EIF2AK1: variants seen among roughly 807,000 people sequenced by gnomAD.
The protein encoded by EIF2AK1 is eukaryotic translation initiation factor 2 alpha kinase 1, also known as eukaryotic translation initiation factor 2-alpha kinase 1.
EIF2AK1 carries 54 observed loss-of-function variants against 77.9 expected under a neutral mutation model. That is an observed-to-expected ratio of 0.69 (90% CI 0.56 to 0.87). EIF2AK1 has a LOEUF of 0.87. Among genes scored for constraint, EIF2AK1 ranks in the 40% least tolerant of loss-of-function variants. The pLI is 0.00. For missense variants in EIF2AK1, 810 were observed against 768.6 expected, an observed-to-expected ratio of 1.05 and a Z score of -0.64; for synonymous variants, 314 against 290.5, an observed-to-expected ratio of 1.08 and a Z score of -0.82.
intron 4 of EIF2AK1, among the ~76,000 whole-genome samples, chr7:6,048,241 A>G (rs1788501075): frequency 6.6e-6 from 1 of 151,988 alleles, no homozygotes; most frequent in African/African-American, 2.4e-5. Context: ...TTCACTCCCC[A>G]TCCTTCCCTT....
rs531637809 is a variant in EIF2AK1, at chr7:6,042,457, A to C, written c.791+476T>G. ...CAGAGCGAGACTCCATCTCAAAAAAAAAAAAAAAATACCGACAGGAAATAT... is the reference window on the plus strand; with the variant it reads ...CAGAGCGAGACTCCATCTCAAAAAACAAAAAAAAATACCGACAGGAAATAT... On this transcript the variant is annotated intron_variant, in intron 8 of 14. Coordinates refer to ENST00000199389, the MANE Select transcript of EIF2AK1 (RefSeq NM_014413.4). Among the ~76,000 whole-genome samples the C allele has an allele frequency of 9.7e-3, 1,473 of 152,212 alleles. 15 individuals are homozygous for C. The highest frequency in any genetic ancestry group is 0.041 in the Middle Eastern group (12 of 294).
rs764803060 is a variant in EIF2AK1 at position 6,023,415 on chromosome 7, C to T, written c.*1258G>A. On this transcript the variant is annotated 3_prime_UTR_variant, in exon 15 of 15. Transcript: ENST00000199389. ...TTGGCCAGAAGCATAATGCTGTCAA[C>T]GCAACCCTTATAGATAGCTGGGTAG... The T allele has an allele frequency of 4.2e-5, 68 of 1,614,078 alleles. No homozygotes were observed. The highest frequency in any genetic ancestry group is 5.0e-5 in the Admixed American group (3 of 59,990).
At chr7:6,048,914 C>T in intron 3 of EIF2AK1, 70 bp from the exon 4 acceptor site, 1 of 1,077,164 alleles carries the variant, frequency 9.3e-7, no homozygotes, top group South Asian at 1.5e-5. Flanking sequence ...TATCAAAATT[C>T]AATATCACAT....
intron 11 of EIF2AK1, among the ~76,000 whole-genome samples, chr7:6,034,113 C>T (rs991696500): frequency 2.6e-5 from 4 of 151,382 alleles, no homozygotes; most frequent in East Asian, 2.0e-4. Context: ...GTCAGGAGTT[C>T]GAGACCAGCC....
intron 14 of EIF2AK1, chr7:6,026,370 C>G: frequency 2.1e-6 from 1 of 474,018 alleles, no homozygotes; most frequent in South Asian, 1.6e-5. Context: ...AGGTGCAAAC[C>G]CTGCGGGCCC....
Position 6,024,372 on chromosome 7 carries a change from G to A in EIF2AK1, c.*301C>T, listed in dbSNP as rs1273685397. On this transcript the variant is annotated 3_prime_UTR_variant, in exon 15 of 15. Transcript: ENST00000199389. Reference sequence around the variant, plus strand: ...GGGCAGGGAGCACACATCAATTTCTGCGGTACCTTCTAGAGGAAGACCAGA... The same window carrying A: ...GGGCAGGGAGCACACATCAATTTCTACGGTACCTTCTAGAGGAAGACCAGA... 5 of 1,169,960 alleles carry A rather than the reference G, an allele frequency of 4.3e-6. No individual in the cohort carries two copies. The highest frequency in any genetic ancestry group is 9.7e-5 in the Admixed American group (2 of 20,652). The allele number at this position is 1,169,960 out of a possible 1,614,324, so 72.5% of individuals were successfully genotyped here.
chr7:6,030,445 C>T (rs1354152466), intron 11 of EIF2AK1, among the ~76,000 whole-genome samples: 3 of 152,140 alleles, frequency 2.0e-5, no homozygotes, highest in African/African-American at 7.2e-5. Flanking sequence ...TTCTTTGTGC[C>T]TCTAAGTTCA....
At chr7:6,058,812 C>A (rs983700154) in intron 1 of EIF2AK1, among the ~76,000 whole-genome samples, 154 bp downstream of exon 1, 5 of 152,212 alleles carry the variant, frequency 3.3e-5, no homozygotes, top group African/African-American at 4.8e-5. Context: ...CGCCCGCCGC[C>A]CCCCCTCGCA....
Position 6,024,379 on chromosome 7 carries a change from C to G in EIF2AK1, c.*294G>C. 9.2e-7 allele frequency: 1 copy of G among 1,087,656 alleles called. No individual in the cohort carries two copies. Among genetic ancestry groups the G allele is most frequent in the Non-Finnish European group, 1.1e-6 (1 of 872,646 alleles). The allele number at this position is 1,087,656 out of a possible 1,614,324, so 67.4% of individuals were successfully genotyped here. On this transcript the variant is annotated 3_prime_UTR_variant, in exon 15 of 15. Coordinates refer to ENST00000199389, the MANE Select transcript of EIF2AK1 (RefSeq NM_014413.4). Reference sequence around the variant, plus strand: ...GAGCACACATCAATTTCTGCGGTACCTTCTAGAGGAAGACCAGACAGAGGG... The same window carrying G: ...GAGCACACATCAATTTCTGCGGTACGTTCTAGAGGAAGACCAGACAGAGGG...
chr7:6,048,686 CAA>C, intron 4 of EIF2AK1, 119 bp downstream of exon 4: 2 of 823,074 alleles, frequency 2.4e-6, no homozygotes, highest in Non-Finnish European at 3.8e-6. Context: ...TTGCTGAGAA[CAA>C]AGTTTTTAAT....
Position 6,032,447 on chromosome 7 carries a change from A to G in EIF2AK1, c.1333-3415T>C, listed in dbSNP as rs1380050726. On this transcript the variant is annotated intron_variant, in intron 11 of 14. Coordinates refer to ENST00000199389, the MANE Select transcript of EIF2AK1 (RefSeq NM_014413.4). The surrounding 1 kb of genome is among the most constrained non-coding windows in gnomAD (Gnocchi z 4.3). Reference sequence around the variant, plus strand: ...GAAGATTCAGGTTTTACTGCTGATAATACGACTTTGGCAACGACACAGCAC... The same window carrying G: ...GAAGATTCAGGTTTTACTGCTGATAGTACGACTTTGGCAACGACACAGCAC... Among the ~76,000 whole-genome samples the G allele has an allele frequency of 1.3e-5, 2 of 152,240 alleles. No individual in the cohort carries two copies.
At chr7:6,056,628 A>ATATATATATATATATGTATATATATG (rs749747260) in intron 1 of EIF2AK1, among the ~76,000 whole-genome samples, 1 of 75,938 alleles carries the variant, frequency 1.3e-5, no homozygotes, top group Non-Finnish European at 2.6e-5. Context: ...ATATATATAT[A>ATATATATATATATATGTATATATATG]TATATATAAA....
chr7:6,032,728 G>C lies in EIF2AK1; in HGVS notation c.1333-3696C>G. 1.3e-6 allele frequency: 1 copy of C among 791,140 alleles called. No individual in the cohort carries two copies. The highest frequency in any genetic ancestry group is 1.9e-5 in the South Asian group (1 of 52,776). 49.0% of individuals were successfully genotyped at this position (791,140 alleles called of 1,614,324 possible). A position where few individuals can be genotyped will look rare whatever the true frequency, so the allele number is the denominator to read the frequency against. ...TCAATGCACATACCAGAAAAAGAGT[G>C]AGCCAATGAGACACTAAATAAATGT... On this transcript the variant is annotated intron_variant, in intron 11 of 14. Transcript: ENST00000199389. This position sits in a 1 kb window ranked among gnomAD's most constrained non-coding sequence, Gnocchi z 4.3.
chr7:6,042,758 C>T (rs558670202), intron 8 of EIF2AK1, among the ~76,000 whole-genome samples, 175 bp downstream of exon 8: 4 of 151,884 alleles, frequency 2.6e-5, no homozygotes, highest in South Asian at 2.1e-4. Context: ...CCCAGCTATT[C>T]GGGAAGCTGA....
Position 6,022,440 on chromosome 7 carries a change from A to G in EIF2AK1, c.*2233T>C, listed in dbSNP as rs1460071068. On this transcript the variant is annotated 3_prime_UTR_variant, in exon 15 of 15. Coordinates refer to ENST00000199389, the MANE Select transcript of EIF2AK1 (RefSeq NM_014413.4). ...CAGCAGTCGGGGGTCAGTGTCCCTA[A>G]CCCCCCCACTGTTCAAGGGTTAGCT... The G allele has an allele frequency of 6.6e-6, 1 of 151,766 alleles. No homozygotes were observed. The highest frequency in any genetic ancestry group is 1.5e-5 in the Non-Finnish European group (1 of 67,946). The allele number at this position is 151,766 out of a possible 1,614,324, so 9.4% of individuals were successfully genotyped here. A position where few individuals can be genotyped will look rare whatever the true frequency, so the allele number is the denominator to read the frequency against.
At position 6,038,667 on chromosome 7, in the gene EIF2AK1, T is replaced by C. The variant is rs749872778; in HGVS notation, c.1124A>G (p.Gln375Arg). 6.2e-6 allele frequency: 10 copies of C among 1,609,360 alleles called. No homozygotes were observed. Among genetic ancestry groups the C allele is most frequent in the Non-Finnish European group, 8.5e-6 (10 of 1,177,866 alleles). ...NVNFLGQTEAQYHLMLHIQMQ... is the reference protein window; with the variant it reads ...NVNFLGQTEARYHLMLHIQMQ... ...CTGGATGTGCAGCATCAGGTGGTAC[T>C]GTGCCTAGGAGAGGACACAGTGATG... The change falls in exon 10 of 15, where the codon CAG becomes CGG. Residue 375 changes from glutamine to arginine, a missense_variant. Transcript: ENST00000199389.
Position 6,035,475 on chromosome 7 carries a change from ATGCTAC to A in EIF2AK1, c.1332+1943_1332+1948del. ...GACAGGCCTCACCACACTCAACTTA[ATGCTAC>A]TGCACTGGCCAGTCACTTCCACCAC... On this transcript the variant is annotated intron_variant, in intron 11 of 14. Transcript: ENST00000199389. This position sits in a 1 kb window ranked among gnomAD's most constrained non-coding sequence, Gnocchi z 5.5. The A allele has an allele frequency of 6.4e-7, 1 of 1,550,860 alleles. No homozygotes were observed. Among genetic ancestry groups the A allele is most frequent in the Non-Finnish European group, 8.7e-7 (1 of 1,147,040 alleles).
chr7:6,042,927 A>G lies in EIF2AK1; in HGVS notation c.791+6T>C. On this transcript the variant is annotated splice_donor_region_variant and intron_variant, in intron 8 of 14. Transcript: ENST00000199389. ...AGGTAATGTCCTAATATGTAAAAGG[A>G]CATACCTGTCCTCTTCCTGGTCGGA... is the stretch of plus-strand genomic sequence containing the variant. 6.2e-7 allele frequency: 1 copy of G among 1,613,102 alleles called. No homozygotes were observed. The highest frequency in any genetic ancestry group is 8.5e-7 in the Non-Finnish European group (1 of 1,179,194).
intron 11 of EIF2AK1, among the ~76,000 whole-genome samples, chr7:6,029,864 T>C (rs907032359): frequency 6.6e-6 from 1 of 151,906 alleles, no homozygotes. Context: ...ATGCCTGTAA[T>C]CCCAGCTACT....
Sources: gnomAD v4.1 joint callset for allele counts (sites outside exome capture counted in the v4.1 genomes callset) on GRCh38, gnomAD v4.1.1 for gene constraint, Gnocchi (gnomAD v3.1) non-coding constraint, MANE v1.5 for transcripts, NCBI Gene and HGNC (gene_info 2026-07-23, HGNC 2026-07-21) for gene names.